The following ARMC5 variants were observed in gnomAD, a reference collection of about 807,000 sequenced individuals.
The protein encoded by ARMC5 is armadillo repeat-containing protein 5.
A neutral mutation model predicts 60.5 loss-of-function variants in ARMC5; 28 were observed. The observed-to-expected ratio is 0.46, with a 90% CI of 0.34 to 0.63. The LOEUF is 0.63. Ranked by LOEUF, ARMC5 falls within the 30% of genes least tolerant of loss-of-function variation. The pLI, the probability that ARMC5 is intolerant of heterozygous loss-of-function variation, is 0.01. For missense variants in ARMC5, 1,189 were observed against 1,304.9 expected (o/e 0.91, Z 1.37); for synonymous variants, 680 against 607.3 (o/e 1.12, Z -1.76).
At position 31,466,102 on chromosome 16, in the gene ARMC5, T is replaced by C; in HGVS notation, c.2021T>C (p.Leu674Pro). The change falls in exon 6 of 6, where the codon CTG (leucine) becomes CCG (proline). Residue 674 changes from leucine (L) to proline (P), a missense_variant. By Grantham distance (98) the Leu-to-Pro change is moderately conservative. Around this residue, in one of 2 missense-constraint regions of ARMC5, gnomAD observed 862 missense variants for 1,071.2 expected, o/e 0.80. Coordinates refer to ENST00000268314, the MANE Select transcript of ARMC5 (RefSeq NM_001105247.2). This position sits in a 1 kb window ranked among gnomAD's most constrained non-coding sequence, Gnocchi z 8.0. ...ICRKPSLWRR[L>P]LLEQGGLRLL... ...AGGAAGCCCTCTCTGTGGCGCCGGC[T>C]GCTTCTGGAGCAGGGTGGTCTCCGG... 3.1e-6 allele frequency: 5 copies of C among 1,601,030 alleles called. No homozygotes were observed. The highest frequency in any genetic ancestry group is 4.2e-6 in the Non-Finnish European group (5 of 1,179,130).
chr16:31,466,880 C>A lies in ARMC5; in HGVS notation c.2799C>A (p.Val933=). 1 of 1,560,032 alleles carries A rather than the reference C, an allele frequency of 6.4e-7. No homozygotes were observed. ...VVMGIELGAR[V]PA ...TGGGGATTGAGTTGGGGGCAAGGGT[C>A]CCTGCCTAGACTGTTGACGTCCCCT... Residue 933 remains valine, a synonymous_variant, in exon 6 of 6, where the codon GTC becomes GTA. Coordinates refer to ENST00000268314, the MANE Select transcript of ARMC5 (RefSeq NM_001105247.2). This position sits in a 1 kb window ranked among gnomAD's most constrained non-coding sequence, Gnocchi z 8.0.
At position 31,464,592 on chromosome 16, in the gene ARMC5, G is replaced by A; in HGVS notation, c.1569G>A (p.Gly523=). ...TCGAGGAGCCTTGGGGACGCGAAGG[G>A]CCAGCCCTGCTGCTGCTGTCGCGCT... ...AAIEEPWGRE[G]PALLLLSRFS... Residue 523 remains glycine, a synonymous_variant, in exon 4 of 6, where the codon GGG becomes GGA. Transcript: ENST00000268314. This position sits in a 1 kb window ranked among gnomAD's most constrained non-coding sequence, Gnocchi z 7.6. 1 of 1,586,652 alleles carries A rather than the reference G, an allele frequency of 6.3e-7. No individual in the cohort carries two copies. Among genetic ancestry groups the A allele is most frequent in the Non-Finnish European group, 8.5e-7 (1 of 1,171,590 alleles).
chr16:31,458,601 T>G, upstream of ARMC5: 1 of 1,453,060 alleles, frequency 6.9e-7, no homozygotes, highest in Non-Finnish European at 9.2e-7. Flanking sequence ...TTTTGGGGCT[T>G]GTAGACGGTT....
At position 31,459,852 on chromosome 16, in the gene ARMC5, G is replaced by A. The variant is rs201768837; in HGVS notation, c.328G>A (p.Ala110Thr). The A allele has an allele frequency of 3.4e-3, 5,428 of 1,587,898 alleles. 9 individuals are homozygous for A. The highest frequency in any genetic ancestry group is 4.3e-3 in the Non-Finnish European group (4,989 of 1,173,146). The change falls in exon 1 of 6, where the codon GCC becomes ACC. Residue 110 changes from alanine to threonine, a missense_variant. Ala to Thr is a moderately conservative substitution (Grantham distance 58). This residue lies in a region of ARMC5 where 327 missense variants were observed against 233.7 expected (regional missense o/e 1.40). Coordinates refer to ENST00000268314, the MANE Select transcript of ARMC5 (RefSeq NM_001105247.2). ...ASSPAPASGP[A>T]PSAVSSSSPT... Reference sequence around the variant, plus strand: ...TAGCCCCGCCCCCGCGTCGGGCCCCGCCCCCTCCGCTGTGTCGTCGTCTAG... The same window carrying A: ...TAGCCCCGCCCCCGCGTCGGGCCCCACCCCCTCCGCTGTGTCGTCGTCTAG...
At position 31,459,832 on chromosome 16, in the gene ARMC5, C is replaced by T. The variant is rs760150629; in HGVS notation, c.308C>T (p.Pro103Leu). The T allele has an allele frequency of 3.5e-5, 54 of 1,563,720 alleles. No homozygotes were observed. The highest frequency in any genetic ancestry group is 4.1e-4 in the Middle Eastern group (2 of 4,890). ...TCGGCCGCGTCGGGAGCTTCTAGCC[C>T]CGCCCCCGCGTCGGGCCCCGCCCCC... Reference protein sequence around the residue: ...PSSAASGASSPAPASGPAPSA... With the variant: ...PSSAASGASSLAPASGPAPSA... Residue 103 changes from proline (P) to leucine (L), a missense_variant, in exon 1 of 6, where the codon CCC becomes CTC. Pro to Leu is a moderately conservative substitution (Grantham distance 98, BLOSUM62 -3). This residue lies in a region of ARMC5 where 327 missense variants were observed against 233.7 expected (regional missense o/e 1.40). Coordinates refer to ENST00000268314, the MANE Select transcript of ARMC5 (RefSeq NM_001105247.2).
rs2082308177 is a variant in ARMC5 at position 31,462,064 on chromosome 16, T to C, written c.583+35T>C. On this transcript the variant is annotated intron_variant, in intron 2 of 5. Coordinates refer to ENST00000268314, the MANE Select transcript of ARMC5 (RefSeq NM_001105247.2). The surrounding 1 kb of genome is among the most constrained non-coding windows in gnomAD (Gnocchi z 7.2). Reference sequence around the variant, plus strand: ...TGTGAGGTTGGGGTCTGCTAGGGCTTGGGGCAGAAGAAAGGCTTGAGTGTC... The same window carrying C: ...TGTGAGGTTGGGGTCTGCTAGGGCTCGGGGCAGAAGAAAGGCTTGAGTGTC... 6.2e-7 allele frequency: 1 copy of C among 1,613,350 alleles called. No homozygotes were observed. The highest frequency in any genetic ancestry group is 1.3e-5 in the African/African-American group (1 of 74,882).
chr16:31,458,948 A>T (rs904565422), upstream of ARMC5: 12 of 1,535,294 alleles, frequency 7.8e-6, no homozygotes, highest in Middle Eastern at 3.3e-4. Flanking sequence ...CAAGCCCGTC[A>T]CTCTAGGAAG....
At chr16:31,459,312 C>T, upstream of ARMC5, 1 of 1,534,906 alleles carries the variant, frequency 6.5e-7, no homozygotes, top group Non-Finnish European at 8.7e-7. Flanking sequence ...ATGCACCGCC[C>T]GCACGTCCCA....
chr16:31,459,093 C>G, upstream of ARMC5: 1 of 1,483,838 alleles, frequency 6.7e-7, no homozygotes, highest in Non-Finnish European at 8.9e-7. Flanking sequence ...AAGGCCGGGC[C>G]GCACCACCGC....
Position 31,464,699 on chromosome 16 carries a change from C to T in ARMC5, c.1676C>T (p.Pro559Leu), listed in dbSNP as rs200115942. 1.5e-3 allele frequency: 2,393 copies of T among 1,598,602 alleles called. No homozygotes were observed. The highest frequency in any genetic ancestry group is 1.9e-3 in the Non-Finnish European group (2,202 of 1,179,076). The change falls in exon 4 of 6, where the codon CCG becomes CTG. Residue 559 changes from proline (P) to leucine (L), a missense_variant. Coordinates refer to ENST00000268314, the MANE Select transcript of ARMC5 (RefSeq NM_001105247.2). This position sits in a 1 kb window ranked among gnomAD's most constrained non-coding sequence, Gnocchi z 7.6. ...CTGCTGACCTATGTGACCGGCGCAC[C>T]GGGCCCGCCCAGCCCACGTGCACTG... ...YGLLTYVTGA[P>L]GPPSPRALRI...
In ARMC5 at chr16:31,464,542, C is replaced by T. The variant is rs946142400; in HGVS notation, c.1519C>T (p.Pro507Ser). The change falls in exon 4 of 6, where the codon CCG becomes TCG. Residue 507 changes from proline (P) to serine (S), a missense_variant. Transcript: ENST00000268314. The surrounding 1 kb of genome is among the most constrained non-coding windows in gnomAD (Gnocchi z 7.6). ...SLRAPRTQRT[P>S]GRSPAAAIEE... ...GCGGGCACCACGCACCCAACGCACT[C>T]CGGGCCGCAGCCCCGCCGCCGCCAT... is the stretch of plus-strand genomic sequence containing the variant. 7 of 1,590,202 alleles carry T rather than the reference C, an allele frequency of 4.4e-6. No individual in the cohort carries two copies. The highest frequency in any genetic ancestry group is 1.8e-5 in the Admixed American group (1 of 57,026).
chr16:31,460,652 G>A (rs1387290601), intron 1 of ARMC5, among the ~76,000 whole-genome samples: 3 of 152,216 alleles, frequency 2.0e-5, no homozygotes, highest in Non-Finnish European at 4.4e-5. Flanking sequence ...GATCCCTTGA[G>A]CCTAGGAGGT....
At chr16:31,461,889 T>C (rs1175333510) in intron 1 of ARMC5, 33 bp from the exon 2 acceptor site, 1 of 1,585,430 alleles carries the variant, frequency 6.3e-7, no homozygotes, top group Non-Finnish European at 8.7e-7. Flanking sequence ...CAGTAAGGGG[T>C]AGAACCCTCA....
intron 3 of ARMC5, among the ~76,000 whole-genome samples, chr16:31,463,164 T>C (rs891551065): frequency 6.6e-6 from 1 of 151,836 alleles, no homozygotes; most frequent in African/African-American, 2.4e-5. Context: ...AGTGGTGCCA[T>C]CTCCACTCAC....
At position 31,465,440 on chromosome 16, in the gene ARMC5, G is replaced by A. The variant is rs367810493; in HGVS notation, c.1865-410G>A. On this transcript the variant is annotated intron_variant, in intron 4 of 5. Transcript: ENST00000268314. ...TCTCTGTATGGCCTGGTTTTTCCCA[G>A]GTTATGATTATAGAGCGAGGATTAT... 10 of 1,024,004 alleles carry A rather than the reference G, an allele frequency of 9.8e-6. No homozygotes were observed. In the East Asian group the frequency reaches 1.7e-4, roughly 18 times the overall value. The allele number at this position is 1,024,004 out of a possible 1,614,324, so 63.4% of individuals were successfully genotyped here.
In ARMC5 at chr16:31,462,759, G is replaced by T. The variant is rs2053677607; in HGVS notation, c.1212G>T (p.Leu404=). 1 of 1,613,932 alleles carries T rather than the reference G, an allele frequency of 6.2e-7. No individual in the cohort carries two copies. Among genetic ancestry groups the T allele is most frequent in the Non-Finnish European group, 8.5e-7 (1 of 1,180,026 alleles). ...GGTTTCTGTATGACACTGGGGCCCT[G>T]GGCCGGCTGCAGGCTCTGGGACTTG... ...LVGFLYDTGA[L]GRLQALGLVP... Residue 404 remains leucine (L), a synonymous_variant, in exon 3 of 6, where the codon CTG becomes CTT. Coordinates refer to ENST00000268314, the MANE Select transcript of ARMC5 (RefSeq NM_001105247.2). The surrounding 1 kb of genome is among the most constrained non-coding windows in gnomAD (Gnocchi z 7.2).
At chr16:31,459,122 G>A (rs1476509113), upstream of ARMC5, 8 of 1,487,864 alleles carry the variant, frequency 5.4e-6, no homozygotes, top group Non-Finnish European at 7.1e-6. Context: ...AGCGAAGCGA[G>A]CCTAGAGGAG....
upstream of ARMC5, chr16:31,458,670 C>G: frequency 6.9e-7 from 1 of 1,446,684 alleles, no homozygotes; most frequent in Non-Finnish European, 9.1e-7. Flanking sequence ...TCCGGGCGGG[C>G]AGCTGCCCCG....
In ARMC5 at chr16:31,464,270, A is replaced by G. The variant is rs1255773531; in HGVS notation, c.1371-124A>G. ...CCACAACTGCATTCCAGCCTGGGCT[A>G]TAGAGGGATACCACATTTCTTTAAA... On this transcript the variant is annotated intron_variant, in intron 3 of 5. Coordinates refer to ENST00000268314, the MANE Select transcript of ARMC5 (RefSeq NM_001105247.2). The surrounding 1 kb of genome is among the most constrained non-coding windows in gnomAD (Gnocchi z 7.6). The G allele has an allele frequency of 1.2e-6, 1 of 839,632 alleles. No homozygotes were observed. The highest frequency in any genetic ancestry group is 1.7e-6 in the Non-Finnish European group (1 of 589,400). 52.0% of individuals were successfully genotyped at this position (839,632 alleles called of 1,614,324 possible).
Sources: allele counts gnomAD v4.1 joint callset (sites outside exome capture counted in the v4.1 genomes callset), GRCh38; gene constraint gnomAD v4.1.1; regional missense constraint gnomAD v4.1.1; non-coding constraint Gnocchi (gnomAD v3.1); transcripts MANE v1.5; gene names NCBI Gene and HGNC (gene_info 2026-07-23, HGNC 2026-07-21).